DDX46: variants seen among roughly 807,000 people sequenced by gnomAD.
The protein encoded by DDX46 is probable ATP-dependent RNA helicase DDX46.
DDX46 carries 30 observed loss-of-function variants against 134.9 expected under a neutral mutation model. That is an observed-to-expected ratio of 0.22 (90% CI 0.17 to 0.30). DDX46 has a LOEUF of 0.30. Among genes scored for constraint, DDX46 ranks in the 10% least tolerant of loss-of-function variants. The probability of loss-of-function intolerance (pLI) is 1.00; values close to 1 mark genes in which losing one functional copy is unlikely to be tolerated. For missense variants in DDX46, 622 were observed against 1,248.7 expected, an observed-to-expected ratio of 0.50 and a Z score of 7.56; for synonymous variants, 415 against 404.1, an observed-to-expected ratio of 1.03 and a Z score of -0.32.
At chr5:134,790,289 C>T (rs1215305492) in intron 12 of DDX46, 181 bp from the exon 13 acceptor site, 1 of 635,520 alleles carries the variant, frequency 1.6e-6, no homozygotes, top group African/African-American at 1.8e-5. Context: ...GTATTTGCCA[C>T]TAGATTAAGA....
intron 15 of DDX46, chr5:134,805,159 G>T: frequency 5.9e-6 from 1 of 169,230 alleles, no homozygotes; most frequent in Non-Finnish European, 1.3e-5. Flanking sequence ...TAACACCCCT[G>T]AAAGAAGAAC....
chr5:134,826,884 G>C (rs1204070198), intron 21 of DDX46, 63 bp from the exon 22 acceptor site: 10 of 1,513,782 alleles, frequency 6.6e-6, no homozygotes, highest in Non-Finnish European at 9.0e-6. Context: ...GGACCTCCGT[G>C]ATATGGGTAA....
At chr5:134,773,482 A>G (rs951807392) in intron 4 of DDX46, among the ~76,000 whole-genome samples, 2 of 152,140 alleles carry the variant, frequency 1.3e-5, no homozygotes, top group Non-Finnish European at 2.9e-5. Context: ...TTATTTGAAG[A>G]TGCTTTTTTT....
intron 13 of DDX46, among the ~76,000 whole-genome samples, chr5:134,792,701 C>A (rs1754539027): frequency 6.6e-6 from 1 of 152,172 alleles, no homozygotes; most frequent in East Asian, 1.9e-4. Flanking sequence ...GCCATAAATA[C>A]ATACAGGTAC....
chr5:134,797,196 A>AAAAAAAC (rs1561865733), intron 15 of DDX46: 1 of 281,692 alleles, frequency 3.5e-6, no homozygotes, highest in African/African-American at 2.4e-5. Context: ...AAAAAAAAAA[A>AAAAAAAC]ACACAAAACA....
Position 134,819,025 on chromosome 5 carries a change from T to C in DDX46, c.2977+21T>C, listed in dbSNP as rs772338909. On this transcript the variant is annotated intron_variant, in intron 21 of 22. Coordinates refer to ENST00000452510, the MANE Select transcript of DDX46 (RefSeq NM_001300860.2). ...TGAAAGTATGTACTGTTAGTTCTGT[T>C]TCAATCTTGAATTTAGATCAAGGTT... 11 of 1,609,996 alleles carry C rather than the reference T, an allele frequency of 6.8e-6. 1 individual carries two copies. Among genetic ancestry groups the C allele is most frequent in the Non-Finnish European group, 9.3e-6 (11 of 1,178,312 alleles).
intron 15 of DDX46, among the ~76,000 whole-genome samples, chr5:134,806,219 A>T (rs948591797): frequency 1.3e-5 from 2 of 152,132 alleles, no homozygotes; most frequent in Admixed American, 1.3e-4. Flanking sequence ...CTTTAAAAAA[A>T]AAAAAAAGAG....
In DDX46 at chr5:134,827,107, A is replaced by C. The variant is rs199912277; in HGVS notation, c.3051+87A>C. 33 of 1,317,400 alleles carry C rather than the reference A, an allele frequency of 2.5e-5. No homozygotes were observed. The East Asian group carries it at 8.1e-4, about 32-fold the overall frequency. The allele number at this position is 1,317,400 out of a possible 1,614,324, so 81.6% of individuals were successfully genotyped here. A position where few individuals can be genotyped will look rare whatever the true frequency, so the allele number is the denominator to read the frequency against. On this transcript the variant is annotated intron_variant, in intron 22 of 22. Transcript: ENST00000452510. ...ATACAGAGAAGTACTCAAATCATAAACATATAGTTTGATGAATTTTCACAA... is the reference window on the plus strand; with the variant it reads ...ATACAGAGAAGTACTCAAATCATAACCATATAGTTTGATGAATTTTCACAA...
At chr5:134,791,279 C>T (rs1754495537) in intron 13 of DDX46, among the ~76,000 whole-genome samples, 3 of 152,296 alleles carry the variant, frequency 2.0e-5, no homozygotes, top group East Asian at 1.9e-4. Context: ...TATATATGCT[C>T]TTTGCTCAGG....
intron 1 of DDX46, among the ~76,000 whole-genome samples, chr5:134,763,652 G>A (rs1753465896): frequency 6.6e-6 from 1 of 152,078 alleles, no homozygotes; most frequent in African/African-American, 2.4e-5. Flanking sequence ...AAGCTGCCTG[G>A]AGCTCAAAGG....
intron 2 of DDX46, among the ~76,000 whole-genome samples, chr5:134,765,695 G>T (rs539632411): frequency 1.3e-5 from 2 of 152,272 alleles, no homozygotes; most frequent in East Asian, 3.9e-4. Flanking sequence ...ACCATACCTT[G>T]CCCAGTTTCT....
At chr5:134,794,135 G>A (rs1004877422) in intron 13 of DDX46, among the ~76,000 whole-genome samples, 2 of 152,116 alleles carry the variant, frequency 1.3e-5, no homozygotes, top group Non-Finnish European at 2.9e-5. Context: ...GATCAGAGTA[G>A]CAATCAGAGC....
rs979799942 is a variant in DDX46 at position 134,775,730 on chromosome 5, G to A, written c.614-1844G>A. ...GCTAGTCTCAAACGCCTGACCTCGTGATCCACCTGCCTCGGCCTCCCAAAG... is the reference window on the plus strand; with the variant it reads ...GCTAGTCTCAAACGCCTGACCTCGTAATCCACCTGCCTCGGCCTCCCAAAG... On this transcript the variant is annotated intron_variant, in intron 5 of 22. Transcript: ENST00000452510. Among the ~76,000 whole-genome samples, 5 of 152,172 alleles carry A rather than the reference G, an allele frequency of 3.3e-5. No homozygotes were observed. In the South Asian group the frequency reaches 1.0e-3, roughly 31 times the overall value.
chr5:134,815,139 C>T (rs902910711), intron 18 of DDX46, among the ~76,000 whole-genome samples: 2 of 152,170 alleles, frequency 1.3e-5, no homozygotes, highest in African/African-American at 2.4e-5. Flanking sequence ...GTCCTAGCTA[C>T]TTGGGAGGCC....
chr5:134,806,803 GT>G (rs1352417470), intron 15 of DDX46, among the ~76,000 whole-genome samples: 1 of 152,096 alleles, frequency 6.6e-6, no homozygotes, highest in Non-Finnish European at 1.5e-5. Flanking sequence ...TATTACCAGA[GT>G]TTCCTGGGAA....
At chr5:134,784,848 C>T (rs535540664) in intron 10 of DDX46, among the ~76,000 whole-genome samples, 1 of 152,218 alleles carries the variant, frequency 6.6e-6, no homozygotes, top group Admixed American at 6.5e-5. Context: ...GTTTGTTAGC[C>T]CAGTATCAGT....
rs746721373 is a variant in DDX46, at chr5:134,818,947, T to C, written c.2920T>C (p.Phe974Leu). Residue 974 changes from phenylalanine to leucine, a missense_variant, in exon 21 of 23, where the codon TTC becomes CTC. Phe to Leu is a conservative substitution (Grantham distance 22). Coordinates refer to ENST00000452510, the MANE Select transcript of DDX46 (RefSeq NM_001300860.2). The part of the protein sequence containing the change: ...EAAITIRGTY[F>L]PPGKEPKEGE... Reference sequence around the variant, plus strand: ...CGCAATTACAATCAGAGGAACCTACTTCCCTCCTGGCAAAGAACCCAAGGA... The same window carrying C: ...CGCAATTACAATCAGAGGAACCTACCTCCCTCCTGGCAAAGAACCCAAGGA... 6.2e-7 allele frequency: 1 copy of C among 1,614,074 alleles called. No homozygotes were observed. The highest frequency in any genetic ancestry group is 8.5e-7 in the Non-Finnish European group (1 of 1,179,986).
rs1462673547 is a variant in DDX46, at chr5:134,816,017, CCTT to C, written c.2437-408_2437-406del. ...TAGGCCACTGACCTTGAGTTATAGT[CCTT>C]CTTCCAGCCTGTTTCATTGCAGTAT... On this transcript the variant is annotated intron_variant, in intron 18 of 22. Coordinates refer to ENST00000452510, the MANE Select transcript of DDX46 (RefSeq NM_001300860.2). 9.2e-5 allele frequency among the ~76,000 whole-genome samples: 14 copies of C among 152,124 alleles called. No homozygotes were observed. The East Asian group carries it at 2.3e-3, about 25-fold the overall frequency.
Position 134,767,039 on chromosome 5 carries a change from A to G in DDX46, c.329A>G (p.Lys110Arg). ...TCCCGATCCTCCAGTCCTGGAAATA[A>G]AAGCAAGAAAACTGAGAATAGGTAA... is the stretch of plus-strand genomic sequence containing the variant. ...RRSRSSSPGN[K>R]SKKTENRSRS... The change falls in exon 3 of 23, where the codon AAA becomes AGA. Residue 110 changes from lysine to arginine, a missense_variant. Around this residue, in one of 8 missense-constraint regions of DDX46, gnomAD observed 244 missense variants for 349.3 expected, o/e 0.70. Coordinates refer to ENST00000452510, the MANE Select transcript of DDX46 (RefSeq NM_001300860.2). The G allele has an allele frequency of 6.2e-7, 1 of 1,613,712 alleles. No individual in the cohort carries two copies. Among genetic ancestry groups the G allele is most frequent in the Non-Finnish European group, 8.5e-7 (1 of 1,179,908 alleles).
Sources: allele counts gnomAD v4.1 joint callset (sites outside exome capture counted in the v4.1 genomes callset), GRCh38; gene constraint gnomAD v4.1.1; regional missense constraint gnomAD v4.1.1; transcripts MANE v1.5; gene names NCBI Gene and HGNC (gene_info 2026-07-23, HGNC 2026-07-21).